Variants in RUVBL1 observed in about 807,000 individuals in gnomAD.
RUVBL1 encodes ruvB-like 1.
A neutral mutation model predicts 52.4 loss-of-function variants in RUVBL1; 4 were observed. The ratio of observed to expected loss-of-function variants is 0.08; its 90% CI spans 0.04 to 0.17. RUVBL1 has a LOEUF of 0.17. Ranked by LOEUF, RUVBL1 falls within the 10% of genes least tolerant of loss-of-function variation. The pLI, the probability that RUVBL1 is intolerant of heterozygous loss-of-function variation, is 1.00. For missense variants in RUVBL1, 298 were observed against 572.8 expected, an observed-to-expected ratio of 0.52 and a Z score of 4.90; for synonymous variants, 217 against 214.4, an observed-to-expected ratio of 1.01 and a Z score of -0.10.
chr3:128,098,801 G>T, intron 7 of RUVBL1, 81 bp downstream of exon 7: 2 of 1,163,730 alleles, frequency 1.7e-6, no homozygotes, highest in Non-Finnish European at 2.6e-6. Context: ...GGGCGACTGT[G>T]CTCACAGAGC....
At chr3:128,153,478 C>A in exon 1 of RUVBL1, 1 of 1,466,380 alleles carries the variant, frequency 6.8e-7, no homozygotes, top group African/African-American at 1.5e-5. Flanking sequence ...AGGGGCGGGC[C>A]GGGCGGGTGT....
intron 3 of RUVBL1, among the ~76,000 whole-genome samples, chr3:128,105,322 A>G (rs1293428314): frequency 6.6e-6 from 1 of 151,720 alleles, no homozygotes; most frequent in Non-Finnish European, 1.5e-5. Flanking sequence ...GGGTTTCACC[A>G]TGTTAGCCAG....
At chr3:128,069,224 A>G (rs1178697528) in intron 9 of RUVBL1, among the ~76,000 whole-genome samples, 1 of 152,254 alleles carries the variant, frequency 6.6e-6, no homozygotes, top group Non-Finnish European at 1.5e-5. Flanking sequence ...CTTGTCTTCA[A>G]ATCTCCAAAA....
chr3:128,112,830 C>T (rs1943426123), intron 3 of RUVBL1, 58 bp downstream of exon 3: 11 of 1,577,934 alleles, frequency 7.0e-6, no homozygotes, highest in Admixed American at 1.8e-5. Flanking sequence ...AAAGAGGCTT[C>T]GGTGCACAGG....
chr3:128,064,810 A>G, exon 10 of RUVBL1: 1 of 1,408,090 alleles, frequency 7.1e-7, no homozygotes, highest in Middle Eastern at 2.2e-4. Flanking sequence ...TTTGTCTGCT[A>G]AGAAGGCTAG....
At chr3:128,072,561 A>T (rs1244000454) in intron 9 of RUVBL1, among the ~76,000 whole-genome samples, 1 of 152,178 alleles carries the variant, frequency 6.6e-6, no homozygotes, top group African/African-American at 2.4e-5. Flanking sequence ...GCTAGGACAC[A>T]TGTGCAGCCA....
At position 128,081,215 on chromosome 3, in the gene RUVBL1, T is replaced by G. The variant is rs201991974; in HGVS notation, c.*35A>C. 2.5e-4 allele frequency: 400 copies of G among 1,600,208 alleles called. 3 individuals are homozygous for G. In the East Asian group the frequency reaches 7.9e-3, roughly 32 times the overall value. ...AGGCTGGACCCAGGCCAGGCACACCTGGGGAGTCTCTTACTGCTGAAAACC... is the reference window on the plus strand; with the variant it reads ...AGGCTGGACCCAGGCCAGGCACACCGGGGGAGTCTCTTACTGCTGAAAACC... On this transcript the variant is annotated 3_prime_UTR_variant, in exon 11 of 11. Coordinates refer to ENST00000322623, the MANE Select transcript of RUVBL1 (RefSeq NM_003707.3). This position sits in a 1 kb window ranked among gnomAD's most constrained non-coding sequence, Gnocchi z 4.8.
At chr3:128,147,282 C>T (rs985098040) in intron 1 of RUVBL1, among the ~76,000 whole-genome samples, 6 of 152,094 alleles carry the variant, frequency 3.9e-5, no homozygotes, top group African/African-American at 1.4e-4. Context: ...GTTTCCCAGG[C>T]TGGTCTCCAA....
At chr3:128,065,622 C>A (rs549332475) in intron 9 of RUVBL1, among the ~76,000 whole-genome samples, 1 of 152,036 alleles carries the variant, frequency 6.6e-6, no homozygotes, top group Admixed American at 6.6e-5. Context: ...GGTATTTATA[C>A]GAGCTACATG....
chr3:128,081,054 A>G lies in RUVBL1; in HGVS notation c.*196T>C. ...AGATTTATAGAAAACACACCAGGTA[A>G]GGAAGGGTTCTTTCAAAGCAACCAC... On this transcript the variant is annotated 3_prime_UTR_variant, in exon 11 of 11. Coordinates refer to ENST00000322623, the MANE Select transcript of RUVBL1 (RefSeq NM_003707.3). The surrounding 1 kb of genome is among the most constrained non-coding windows in gnomAD (Gnocchi z 4.8). 1.9e-6 allele frequency: 1 copy of G among 532,890 alleles called. No homozygotes were observed. Among genetic ancestry groups the G allele is most frequent in the Admixed American group, 3.5e-5 (1 of 28,308 alleles). 33.0% of individuals were successfully genotyped at this position (532,890 alleles called of 1,614,324 possible).
At chr3:128,092,714 T>A (rs1942873714) in intron 8 of RUVBL1, among the ~76,000 whole-genome samples, 1 of 152,216 alleles carries the variant, frequency 6.6e-6, no homozygotes, top group African/African-American at 2.4e-5. Context: ...TTGGCAAGAA[T>A]GTGGAGAAAT....
At chr3:128,072,678 A>G (rs1942200024) in intron 9 of RUVBL1, among the ~76,000 whole-genome samples, 1 of 152,178 alleles carries the variant, frequency 6.6e-6, no homozygotes, top group African/African-American at 2.4e-5. Flanking sequence ...GGCGCTGTGA[A>G]TTGCTGAGGC....
At chr3:128,078,127 C>A (rs1942380794), downstream of RUVBL1, among the ~76,000 whole-genome samples, 1 of 152,222 alleles carries the variant, frequency 6.6e-6, no homozygotes, top group South Asian at 2.1e-4. Flanking sequence ...TCTTGGGGTA[C>A]CCCAGCTGCT....
chr3:128,131,826 C>T (rs1269882377), intron 1 of RUVBL1, among the ~76,000 whole-genome samples: 1 of 152,160 alleles, frequency 6.6e-6, no homozygotes, highest in African/African-American at 2.4e-5. Flanking sequence ...GAGAGGGAGG[C>T]GGAGCAAGAT....
intron 3 of RUVBL1, among the ~76,000 whole-genome samples, chr3:128,106,598 C>T (rs1943247061): frequency 6.6e-6 from 1 of 152,154 alleles, no homozygotes; most frequent in Non-Finnish European, 1.5e-5. Context: ...TTGCCCACAC[C>T]TGAGCTGAGG....
At chr3:128,150,811 ATAT>A (rs1163327835) in intron 1 of RUVBL1, among the ~76,000 whole-genome samples, 1 of 96,928 alleles carries the variant, frequency 1.0e-5, no homozygotes, top group East Asian at 2.8e-4. Flanking sequence ...TATATTCTAT[ATAT>A]TATATATTCT....
intron 4 of RUVBL1, among the ~76,000 whole-genome samples, chr3:128,103,657 C>T (rs1015450379): frequency 1.3e-5 from 2 of 152,166 alleles, no homozygotes; most frequent in East Asian, 3.8e-4. Context: ...GGTGGGCAGA[C>T]AGTACAACGG....
chr3:128,135,031 A>G (rs756126266), intron 1 of RUVBL1, among the ~76,000 whole-genome samples: 3 of 152,216 alleles, frequency 2.0e-5, no homozygotes, highest in Non-Finnish European at 4.4e-5. Context: ...CAAGTATAAG[A>G]AGGTTATAGA....
intron 1 of RUVBL1, among the ~76,000 whole-genome samples, chr3:128,142,512 C>T (rs1035968721): frequency 1.3e-5 from 2 of 152,124 alleles, no homozygotes; most frequent in Admixed American, 6.6e-5. Context: ...CTATTGCTGC[C>T]ATAACATATT....
Sources: allele counts gnomAD v4.1 joint callset (sites outside exome capture counted in the v4.1 genomes callset), GRCh38; gene constraint gnomAD v4.1.1; non-coding constraint Gnocchi (gnomAD v3.1); transcripts MANE v1.5; gene names NCBI Gene and HGNC (gene_info 2026-07-23, HGNC 2026-07-21).